The following GLT8D2 variants were observed in gnomAD, a reference collection of about 807,000 sequenced individuals.
The protein encoded by GLT8D2 is glycosyltransferase 8 domain containing 2, also known as glycosyltransferase 8 domain-containing protein 2.
GLT8D2 carries 45 observed loss-of-function variants against 44.5 expected under a neutral mutation model. The observed-to-expected ratio is 1.01, with a 90% CI of 0.80 to 1.30. The LOEUF is 1.30. GLT8D2 is among the 50% of genes most tolerant of loss of function. GLT8D2 has a pLI of 0.00. For synonymous variants in GLT8D2, 156 were observed against 157.2 expected (o/e 0.99, Z 0.06); for missense variants, 400 against 430.4 (o/e 0.93, Z 0.62).
At chr12:104,004,784 A>G (rs1171440304) in intron 4 of GLT8D2, among the ~76,000 whole-genome samples, 1 of 152,230 alleles carries the variant, frequency 6.6e-6, no homozygotes, top group African/African-American at 2.4e-5. Flanking sequence ...AAGAATCAAT[A>G]TCGTGAAAAT....
intron 3 of GLT8D2, among the ~76,000 whole-genome samples, chr12:104,016,813 AAGAAAG>A (rs1876835818): frequency 7.3e-6 from 1 of 136,070 alleles, no homozygotes; most frequent in Non-Finnish European, 1.6e-5. Flanking sequence ...GAAGGAAAGA[AAGAAAG>A]AGAAAGAAAA....
In GLT8D2 at chr12:103,998,594, G is replaced by A. The variant is rs139901732; in HGVS notation, c.402+803C>T. On this transcript the variant is annotated intron_variant, in intron 6 of 10. Coordinates refer to ENST00000360814, the MANE Select transcript of GLT8D2 (RefSeq NM_001384711.1). ...CCAGCTAATTTTTGTATTTTTAGTA[G>A]AGATGGGGTTTCACTATGTTGGCCA... 8.1e-3 allele frequency among the ~76,000 whole-genome samples: 1,234 copies of A among 152,202 alleles called. 20 individuals carry two copies. Among genetic ancestry groups the A allele is most frequent in the African/African-American group, 0.027 (1,130 of 41,528 alleles).
In GLT8D2 at chr12:104,003,182, G is replaced by A; in HGVS notation, c.237C>T (p.Asn79=). The A allele has an allele frequency of 6.2e-7, 1 of 1,614,100 alleles. No individual in the cohort carries two copies. Among genetic ancestry groups the A allele is most frequent in the African/African-American group, 1.3e-5 (1 of 75,042 alleles). ...INSIYSNTDA[N]ILFYVVGLRN... is the part of the protein sequence containing the mutation. ...GGAGTCCCACTACATAGAACAAGAT[G>A]TTGGCGTCAGTGTTGCTGTAGATGC... Residue 79 remains asparagine, a synonymous_variant, in exon 5 of 11, where the codon AAC becomes AAT. Coordinates refer to ENST00000360814, the MANE Select transcript of GLT8D2 (RefSeq NM_001384711.1).
upstream of GLT8D2, among the ~76,000 whole-genome samples, chr12:104,052,086 GA>G (rs1177603037): frequency 6.6e-6 from 1 of 152,136 alleles, no homozygotes; most frequent in African/African-American, 2.4e-5. Flanking sequence ...TCCAGTAATT[GA>G]ATAGAGTATC....
intron 10 of GLT8D2, 128 bp from the exon 11 acceptor site, chr12:103,989,705 C>G (rs1872470665): frequency 2.6e-6 from 2 of 775,814 alleles, no homozygotes; most frequent in Non-Finnish European, 4.0e-6. Flanking sequence ...GAATTTTCTA[C>G]CCACCCCAGG....
intron 1 of GLT8D2, among the ~76,000 whole-genome samples, chr12:104,034,015 C>T (rs938324163): frequency 2.0e-5 from 3 of 151,790 alleles, no homozygotes; most frequent in African/African-American, 7.3e-5. Context: ...TTAATTATAC[C>T]TCAATAAAGC....
intron 5 of GLT8D2, among the ~76,000 whole-genome samples, chr12:104,001,918 G>T (rs760702634): frequency 2.0e-5 from 3 of 152,030 alleles, no homozygotes; most frequent in Non-Finnish European, 1.5e-5. Flanking sequence ...TGACCAGGCT[G>T]GTCTCAAATT....
chr12:104,001,826 C>A (rs901983774), intron 5 of GLT8D2, among the ~76,000 whole-genome samples: 2 of 152,146 alleles, frequency 1.3e-5, no homozygotes, highest in African/African-American at 2.4e-5. Flanking sequence ...GCCTCAGCCT[C>A]CCCAGTAGCT....
chr12:103,993,631 T>TCTCCCCCAA, intron 9 of GLT8D2, 127 bp from the exon 10 acceptor site: 1 of 615,482 alleles, frequency 1.6e-6, no homozygotes, highest in Admixed American at 3.5e-5. Flanking sequence ...GGCCTTTCAT[T>TCTCCCCCAA]CTCCCCCAAA....
chr12:104,058,422 T>C (rs1258033204), intron 1 of GLT8D2, among the ~76,000 whole-genome samples: 5 of 152,220 alleles, frequency 3.3e-5, no homozygotes, highest in African/African-American at 1.2e-4. Context: ...TCTCGGATAT[T>C]GCTGGTGATA....
chr12:103,990,654 A>G (rs1872641831), intron 10 of GLT8D2, among the ~76,000 whole-genome samples: 1 of 152,236 alleles, frequency 6.6e-6, no homozygotes, highest in Non-Finnish European at 1.5e-5. Flanking sequence ...TATGACGTTA[A>G]CAACAACACA....
At chr12:104,061,169 T>C (rs1204206253) in intron 1 of GLT8D2, among the ~76,000 whole-genome samples, 1 of 152,214 alleles carries the variant, frequency 6.6e-6, no homozygotes, top group Admixed American at 6.5e-5. Flanking sequence ...ACATTCCTAT[T>C]GTTTCACAGC....
intron 10 of GLT8D2, among the ~76,000 whole-genome samples, chr12:103,991,450 A>T (rs2136260053): frequency 1.3e-5 from 2 of 152,248 alleles, no homozygotes; most frequent in Admixed American, 1.3e-4. Context: ...AACCTCCCAA[A>T]GTACTGGGAT....
chr12:104,036,769 C>T (rs1400638461), intron 1 of GLT8D2, among the ~76,000 whole-genome samples: 8 of 152,304 alleles, frequency 5.3e-5, no homozygotes. Context: ...AGAAGGTTAA[C>T]AAGAATATCC....
chr12:104,048,092 C>T (rs1351659856), intron 1 of GLT8D2, among the ~76,000 whole-genome samples: 2 of 152,144 alleles, frequency 1.3e-5, no homozygotes, highest in Admixed American at 6.5e-5. Context: ...TTTCTATATA[C>T]CAGTACAACA....
chr12:104,012,670 G>C lies in GLT8D2; in HGVS notation c.112+2343C>G, dbSNP rs191246515. On this transcript the variant is annotated intron_variant, in intron 4 of 10. Coordinates refer to ENST00000360814, the MANE Select transcript of GLT8D2 (RefSeq NM_001384711.1). ...TTTTAGAACAGTTTATTGAGGTGTA[G>C]ATACTGCTATGGACTGAATTGTGTC... The C allele has an allele frequency of 1.1e-3, 624 of 565,650 alleles. 2 individuals carry two copies. The highest frequency in any genetic ancestry group is 0.011 in the African/African-American group (560 of 51,908). The allele number at this position is 565,650 out of a possible 1,614,324, so 35.0% of individuals were successfully genotyped here.
At chr12:104,060,642 G>T (rs1882568052) in intron 1 of GLT8D2, among the ~76,000 whole-genome samples, 1 of 152,188 alleles carries the variant, frequency 6.6e-6, no homozygotes, top group Admixed American at 6.5e-5. Context: ...AGGAGAAGAG[G>T]CTGGGCGCAG....
chr12:104,047,297 TC>T (rs1881260089), intron 1 of GLT8D2, among the ~76,000 whole-genome samples: 2 of 145,988 alleles, frequency 1.4e-5, no homozygotes, highest in East Asian at 4.5e-4. Context: ...GAACCAGCTC[TC>T]TTAGGCCTTT....
intron 3 of GLT8D2, among the ~76,000 whole-genome samples, chr12:104,018,035 T>G (rs570414964): frequency 2.4e-4 from 36 of 152,098 alleles, no homozygotes; most frequent in Non-Finnish European, 4.4e-4. Flanking sequence ...AGCAGTGTGA[T>G]CTCAGCTCAC....
Sources: allele counts gnomAD v4.1 joint callset (sites outside exome capture counted in the v4.1 genomes callset), GRCh38; gene constraint gnomAD v4.1.1; transcripts MANE v1.5; gene names NCBI Gene and HGNC (gene_info 2026-07-23, HGNC 2026-07-21).